Variants in ATRNL1 observed in about 807,000 individuals in gnomAD.
ATRNL1 encodes the protein attractin-like protein 1.
A neutral mutation model predicts 182.7 loss-of-function variants in ATRNL1; 95 were observed. The ratio of observed to expected loss-of-function variants is 0.52; its 90% CI spans 0.44 to 0.62. ATRNL1 has a LOEUF of 0.62. Ranked by LOEUF, ATRNL1 falls within the 20% of genes least tolerant of loss-of-function variation. The pLI is 0.00. For synonymous variants in ATRNL1, 576 were observed against 568.3 expected (o/e 1.01, Z -0.19); for missense variants, 1,471 against 1,679.5 (o/e 0.88, Z 2.17).
At chr10:115,182,070 C>G (rs1847769569) in intron 8 of ATRNL1, among the ~76,000 whole-genome samples, 1 of 151,476 alleles carries the variant, frequency 6.6e-6, no homozygotes, top group South Asian at 2.1e-4. Flanking sequence ...AGTGAGTGAA[C>G]AATACATTTT....
chr10:115,621,610 AT>A (rs35442847), intron 26 of ATRNL1, among the ~76,000 whole-genome samples: 72,791 of 151,666 alleles, frequency 0.48, 18,931 homozygotes, highest in East Asian at 0.84. Context: ...CCAAGCTCTG[AT>A]TTTTTTTGTG....
chr10:115,344,341 G>T (rs11197173), intron 19 of ATRNL1, among the ~76,000 whole-genome samples: 1 of 151,838 alleles, frequency 6.6e-6, no homozygotes, highest in Non-Finnish European at 1.5e-5. Flanking sequence ...CACTCAAAAC[G>T]CAATATGCAG....
chr10:115,588,391 T>C (rs7098914), intron 26 of ATRNL1, among the ~76,000 whole-genome samples: 148,096 of 152,294 alleles, frequency 0.97, 72,171 homozygotes, highest in East Asian at 1. Context: ...TCTCCTAAGT[T>C]CCTTCCTGAG....
At chr10:115,656,508 G>T (rs1162153209) in intron 26 of ATRNL1, among the ~76,000 whole-genome samples, 1 of 152,148 alleles carries the variant, frequency 6.6e-6, no homozygotes, top group Middle Eastern at 3.2e-3. Flanking sequence ...GTGTGTGTGA[G>T]TGCGCCCTGC....
intron 15 of ATRNL1, 106 bp from the exon 16 acceptor site, chr10:115,299,928 T>C (rs1438158067): frequency 2.6e-6 from 2 of 761,584 alleles, no homozygotes; most frequent in African/African-American, 3.5e-5. Flanking sequence ...GGCAGCTTTA[T>C]ATATTTTCAA....
intron 26 of ATRNL1, among the ~76,000 whole-genome samples, chr10:115,581,888 TC>T (rs1855113254): frequency 2.3e-5 from 2 of 85,978 alleles, no homozygotes; most frequent in East Asian, 3.9e-4. Context: ...TTGCTATCCC[TC>T]CCCCCTCCCC....
At chr10:115,109,561 C>T (rs1216658314) in intron 1 of ATRNL1, among the ~76,000 whole-genome samples, 2 of 152,192 alleles carry the variant, frequency 1.3e-5, no homozygotes, top group Non-Finnish European at 2.9e-5. Flanking sequence ...AATCATCTCT[C>T]ATTAGGTTCC....
intron 5 of ATRNL1, among the ~76,000 whole-genome samples, chr10:115,153,338 G>A (rs929386909): frequency 6.6e-6 from 1 of 152,048 alleles, no homozygotes; most frequent in Non-Finnish European, 1.5e-5. Context: ...CTGTGAATGT[G>A]TCTGGTCCTG....
rs148099693 is a variant in ATRNL1 at position 115,775,301 on chromosome 10, A to G, written c.3903+47946A>G. On this transcript the variant is annotated intron_variant, in intron 27 of 28. Transcript: ENST00000355044. Reference sequence around the variant, plus strand: ...ACTTGGCTGGATCTTTTAGAATAGTATTATTCTTTCATCTTACTTATAGAA... The same window carrying G: ...ACTTGGCTGGATCTTTTAGAATAGTGTTATTCTTTCATCTTACTTATAGAA... 7.3e-3 allele frequency among the ~76,000 whole-genome samples: 1,106 copies of G among 152,300 alleles called. 16 individuals carry two copies. Among genetic ancestry groups the G allele is most frequent in the African/African-American group, 0.025 (1,054 of 41,570 alleles).
Position 115,742,844 on chromosome 10 carries a change from A to G in ATRNL1, c.3903+15489A>G, listed in dbSNP as rs573080144. Among the ~76,000 whole-genome samples the G allele has an allele frequency of 2.6e-5, 4 of 152,250 alleles. No individual in the cohort carries two copies. The South Asian group carries it at 6.2e-4, about 24-fold the overall frequency. On this transcript the variant is annotated intron_variant, in intron 27 of 28. Transcript: ENST00000355044. ...CTCAGAATTCCCCAATGGCTTCTCT[A>G]TTAGTCCATTCTCACACTGCTAATA...
intron 27 of ATRNL1, among the ~76,000 whole-genome samples, chr10:115,772,845 G>A (rs782413593): frequency 6.6e-6 from 1 of 152,108 alleles, no homozygotes. Flanking sequence ...AATCAGACCT[G>A]CATGATTCAG....
chr10:115,741,394 G>T (rs1413696070), intron 27 of ATRNL1, among the ~76,000 whole-genome samples: 1 of 152,268 alleles, frequency 6.6e-6, no homozygotes, highest in Non-Finnish European at 1.5e-5. Flanking sequence ...CAAGGTGAGC[G>T]AGGGACGGAG....
At chr10:115,883,059 T>C (rs1951862765) in intron 28 of ATRNL1, among the ~76,000 whole-genome samples, 1 of 152,162 alleles carries the variant, frequency 6.6e-6, no homozygotes, top group East Asian at 1.9e-4. Context: ...AGCTGCGACC[T>C]CTTGATAATC....
intron 28 of ATRNL1, among the ~76,000 whole-genome samples, chr10:115,880,030 A>G (rs1403309168): frequency 6.6e-6 from 1 of 152,214 alleles, no homozygotes; most frequent in Non-Finnish European, 1.5e-5. Flanking sequence ...GCACCTGGAA[A>G]CAAGGCAAAA....
In ATRNL1 at chr10:115,401,242, A is replaced by G. The variant is rs1475066582; in HGVS notation, c.3269+6490A>G. On this transcript the variant is annotated intron_variant, in intron 20 of 28. Transcript: ENST00000355044. ...AAATAAATAAAATCTAAGTCCAAAT[A>G]TGTTTCATTGAGTACAGTAGATCTA... Among the ~76,000 whole-genome samples, 3 of 152,032 alleles carry G rather than the reference A, an allele frequency of 2.0e-5. No homozygotes were observed. In the East Asian group the frequency reaches 5.8e-4, roughly 29 times the overall value.
At chr10:115,149,769 G>T (rs1337468856) in intron 5 of ATRNL1, among the ~76,000 whole-genome samples, 2 of 151,978 alleles carry the variant, frequency 1.3e-5, no homozygotes, top group Non-Finnish European at 2.9e-5. Context: ...GTATTCATCA[G>T]GGATGTTGGC....
At chr10:115,766,417 C>A (rs1273281418) in intron 27 of ATRNL1, among the ~76,000 whole-genome samples, 3 of 152,158 alleles carry the variant, frequency 2.0e-5, no homozygotes, top group Non-Finnish European at 4.4e-5. Flanking sequence ...CTAAATGTCC[C>A]TTGTTAAGAA....
chr10:115,569,893 G>A (rs949004950), intron 26 of ATRNL1, among the ~76,000 whole-genome samples: 5 of 152,102 alleles, frequency 3.3e-5, no homozygotes, highest in African/African-American at 7.2e-5. Flanking sequence ...AGGCTGGGAC[G>A]TCTAAGATCT....
intron 28 of ATRNL1, among the ~76,000 whole-genome samples, chr10:115,854,658 C>T (rs1555101414): frequency 6.6e-6 from 1 of 152,202 alleles, no homozygotes; most frequent in African/African-American, 2.4e-5. Flanking sequence ...TGTCACTTCC[C>T]ACCATTCCCC....
Sources: allele counts gnomAD v4.1 joint callset (sites outside exome capture counted in the v4.1 genomes callset), GRCh38; gene constraint gnomAD v4.1.1; transcripts MANE v1.5; gene names NCBI Gene and HGNC (gene_info 2026-07-23, HGNC 2026-07-21).